Variants in RFC5 observed in about 807,000 individuals in gnomAD.
The protein encoded by RFC5 is replication factor C subunit 5, also known as A1 36 kDa subunit.
A neutral mutation model predicts 44.3 loss-of-function variants in RFC5; 26 were observed. The observed-to-expected ratio is 0.59, with a 90% CI of 0.43 to 0.81. The LOEUF is 0.81. RFC5 is among the 40% of genes least tolerant of loss of function. The pLI is 0.00. For synonymous variants in RFC5, 155 were observed against 155.2 expected (o/e 1.00, Z 0.01); for missense variants, 328 against 418.6 (o/e 0.78, Z 1.89).
Position 118,016,869 on chromosome 12 carries a change from G to A in RFC5, c.42G>A (p.Ala14=). Residue 14 remains alanine (A), a synonymous_variant, in exon 1 of 11, where the codon GCG becomes GCA. Coordinates refer to ENST00000454402, the MANE Select transcript of RFC5 (RefSeq NM_007370.7). ...TCAAGCAGCAGGAGCAGCCCGCGGC[G>A]ACCAAGATCAGGAACCTGCCCTGGT... ...SALKQQEQPA[A]TKIRNLPWVE... is the part of the protein sequence containing the mutation. 1 of 1,613,534 alleles carries A rather than the reference G, an allele frequency of 6.2e-7. No homozygotes were observed. Among genetic ancestry groups the A allele is most frequent in the Non-Finnish European group, 8.5e-7 (1 of 1,179,800 alleles).
intron 5 of RFC5, among the ~76,000 whole-genome samples, chr12:118,022,664 C>T (rs1288999195): frequency 6.6e-6 from 1 of 152,026 alleles, no homozygotes; most frequent in Admixed American, 6.6e-5. Context: ...GGGGTTTCAC[C>T]ATGTTGGCCA....
In RFC5 at chr12:118,019,648, T is replaced by A; in HGVS notation, c.147T>A (p.Asn49Lys). The change falls in exon 3 of 11, where the codon AAT becomes AAA. Residue 49 changes from asparagine (N) to lysine (K), a missense_variant. Asn to Lys is a moderately conservative substitution (Grantham distance 94). Coordinates refer to ENST00000454402, the MANE Select transcript of RFC5 (RefSeq NM_007370.7). This position sits in a 1 kb window ranked among gnomAD's most constrained non-coding sequence, Gnocchi z 4.2. ...GATCCTCAGTTCAGAAGTTTATCAA[T>A]GAAGACCGACTGCCACACTTGCTTC... is the stretch of plus-strand genomic sequence containing the variant. ...DILSTIQKFI[N>K]EDRLPHLLLY... The A allele has an allele frequency of 6.2e-7, 1 of 1,614,088 alleles. No homozygotes were observed. Among genetic ancestry groups the A allele is most frequent in the East Asian group, 2.2e-5 (1 of 44,882 alleles).
chr12:118,041,329 G>C, the RFC5 span, among the ~76,000 whole-genome samples: 2 of 152,286 alleles, frequency 1.3e-5, no homozygotes, highest in Admixed American at 1.3e-4. Flanking sequence ...GATGCAGAGA[G>C]AAGGTGGCTG....
At position 118,025,002 on chromosome 12, in the gene RFC5, A is replaced by G; in HGVS notation, c.573A>G (p.Glu191=). 1 of 1,613,006 alleles carries G rather than the reference A, an allele frequency of 6.2e-7. No individual in the cohort carries two copies. Among genetic ancestry groups the G allele is most frequent in the Non-Finnish European group, 8.5e-7 (1 of 1,179,690 alleles). Residue 191 remains glutamate (E), a synonymous_variant, in exon 6 of 11, where the codon GAA becomes GAG. Transcript: ENST00000454402. The stretch of plus-strand genomic sequence containing the variant: ...TTCCCCGCCTGGAACATGTCGTGGA[A>G]GAAGAGAAGTGAGTATTTTGCGGGC... The part of the protein sequence containing the change: ...LMVPRLEHVV[E]EEKVDISEDG...
chr12:118,024,145 T>C (rs144586381), intron 5 of RFC5, among the ~76,000 whole-genome samples: 1,932 of 151,904 alleles, frequency 0.013, 24 homozygotes, highest in Middle Eastern at 0.072. Flanking sequence ...ATCGAGACCA[T>C]CCTGGCTAAC....
intron 9 of RFC5, among the ~76,000 whole-genome samples, chr12:118,028,687 T>C: frequency 6.6e-6 from 1 of 151,110 alleles, no homozygotes. Flanking sequence ...TATCTAGATA[T>C]ATATTCCCAG....
At chr12:118,035,101 G>A (rs2031476748), downstream of RFC5, 1 of 1,613,662 alleles carries the variant, frequency 6.2e-7, no homozygotes. Context: ...AGTCTGGATG[G>A]GGAGAGAGAA....
rs750369555 is a variant in RFC5 at position 118,025,848 on chromosome 12, CTTTT to C, written c.663+35_663+38del. The C allele has an allele frequency of 2.6e-3, 2,592 of 1,000,090 alleles. No individual in the cohort carries two copies. Among genetic ancestry groups the C allele is most frequent in the Middle Eastern group, 4.3e-3 (13 of 3,048 alleles). 62.0% of individuals were successfully genotyped at this position (1,000,090 alleles called of 1,614,324 possible). A position where few individuals can be genotyped will look rare whatever the true frequency, so the allele number is the denominator to read the frequency against. On this transcript the variant is annotated intron_variant, in intron 7 of 10. Coordinates refer to ENST00000454402, the MANE Select transcript of RFC5 (RefSeq NM_007370.7). ...TTGCAGGTATGGTCTCAAGCAAATC[CTTTT>C]TTTTTTTTTTTTTTGAGACAGAGTC...
intron 7 of RFC5, among the ~76,000 whole-genome samples, chr12:118,026,280 T>A (rs574218701): frequency 2.0e-5 from 3 of 152,270 alleles, no homozygotes; most frequent in Non-Finnish European, 2.9e-5. Context: ...TTCCCCCTCC[T>A]CACTTTGTAT....
rs2030971787 is a variant in RFC5 at position 118,026,779 on chromosome 12, T to C, written c.664-110T>C. 2.5e-6 allele frequency: 3 copies of C among 1,221,342 alleles called. No individual in the cohort carries two copies. The African/African-American group carries it at 4.5e-5, about 18-fold the overall frequency. 75.7% of individuals were successfully genotyped at this position (1,221,342 alleles called of 1,614,324 possible). A position where few individuals can be genotyped will look rare whatever the true frequency, so the allele number is the denominator to read the frequency against. ...TCCCACTGCCTTGTGCCCATAGAACTTTGCTGCTCACCTGCATTGCTGCCT... is the reference window on the plus strand; with the variant it reads ...TCCCACTGCCTTGTGCCCATAGAACCTTGCTGCTCACCTGCATTGCTGCCT... On this transcript the variant is annotated intron_variant, in intron 7 of 10. Coordinates refer to ENST00000454402, the MANE Select transcript of RFC5 (RefSeq NM_007370.7).
intron 6 of RFC5, chr12:118,025,540 T>C (rs5745862): frequency 0.087 from 42,376 of 489,562 alleles, 2,572 homozygotes; most frequent in African/African-American, 0.21. Context: ...TGTTCTCGAT[T>C]TTGGTTGGCT....
chr12:118,038,703 C>T, the RFC5 span, among the ~76,000 whole-genome samples: 2 of 152,132 alleles, frequency 1.3e-5, no homozygotes, highest in South Asian at 4.1e-4. Flanking sequence ...GAGATGGAGT[C>T]TTGCTCTTGC....
intron 5 of RFC5, among the ~76,000 whole-genome samples, 186 bp from the exon 6 acceptor site, chr12:118,024,665 C>T (rs1368242156): frequency 6.6e-6 from 1 of 152,142 alleles, no homozygotes; most frequent in Non-Finnish European, 1.5e-5. Flanking sequence ...CCCGCCTCAG[C>T]CTCCCAAAGT....
At chr12:118,022,079 G>T (rs1240233735) in intron 4 of RFC5, among the ~76,000 whole-genome samples, 1 of 152,188 alleles carries the variant, frequency 6.6e-6, no homozygotes, top group East Asian at 1.9e-4. Context: ...CAGAAGTAGA[G>T]AAGTCTCCTC....
the RFC5 span, chr12:118,038,157 G>T: frequency 1.3e-6 from 1 of 742,984 alleles, no homozygotes; most frequent in Non-Finnish European, 2.1e-6. Flanking sequence ...TGCAGGTGGT[G>T]GCCATGGCCC....
the RFC5 span, chr12:118,038,396 G>C: frequency 1.0e-4 from 169 of 1,613,094 alleles, no homozygotes; most frequent in Non-Finnish European, 1.3e-4. Flanking sequence ...TACCTGGCAG[G>C]AAAAAGAAGC....
intron 7 of RFC5, 120 bp from the exon 8 acceptor site, chr12:118,026,769 C>A: frequency 9.6e-7 from 1 of 1,043,748 alleles, no homozygotes; most frequent in Non-Finnish European, 1.4e-6. Context: ...CTGCCTTGTG[C>A]CCATAGAACT....
At chr12:118,035,313 A>G (rs763296549), downstream of RFC5, 1 of 1,614,128 alleles carries the variant, frequency 6.2e-7, no homozygotes, top group South Asian at 1.1e-5. Flanking sequence ...GGCGGGGTCA[A>G]CCTGGGTGTG....
downstream of RFC5, chr12:118,036,278 C>T: frequency 6.4e-7 from 1 of 1,560,900 alleles, no homozygotes; most frequent in East Asian, 2.3e-5. Context: ...ATGTCTAATC[C>T]CAGGCAGGTT....
Sources: allele counts gnomAD v4.1 joint callset (sites outside exome capture counted in the v4.1 genomes callset), GRCh38; gene constraint gnomAD v4.1.1; non-coding constraint Gnocchi (gnomAD v3.1); transcripts MANE v1.5; gene names NCBI Gene and HGNC (gene_info 2026-07-23, HGNC 2026-07-21).